Variants in PRKCB observed in about 807,000 individuals in gnomAD.
PRKCB encodes protein kinase C beta type.
Under a neutral mutation model 81.5 loss-of-function variants are expected in PRKCB, and 13 were observed. That is an observed-to-expected ratio of 0.16 (90% CI 0.10 to 0.25). The LOEUF is 0.25. PRKCB is among the 10% of genes least tolerant of loss of function. The pLI is 1.00. For missense variants in PRKCB, 509 were observed against 875.7 expected, an observed-to-expected ratio of 0.58 and a Z score of 5.29; for synonymous variants, 335 against 321.4, an observed-to-expected ratio of 1.04 and a Z score of -0.45.
chr16:24,176,035 G>A (rs1228747473), intron 12 of PRKCB, among the ~76,000 whole-genome samples: 1 of 151,492 alleles, frequency 6.6e-6, no homozygotes, highest in African/African-American at 2.4e-5. Flanking sequence ...GGCAGATAGC[G>A]GAGGCCAGGC....
At chr16:24,044,381 A>G (rs1215875936) in intron 5 of PRKCB, among the ~76,000 whole-genome samples, 3 of 152,026 alleles carry the variant, frequency 2.0e-5, no homozygotes, top group Admixed American at 6.6e-5. Context: ...AAAAGAAAAG[A>G]CTGAATTAAA....
intron 5 of PRKCB, among the ~76,000 whole-genome samples, chr16:24,047,522 C>A (rs79218106): frequency 6.6e-6 from 1 of 150,802 alleles, no homozygotes; most frequent in Non-Finnish European, 1.5e-5. Context: ...CAGAGCGAGA[C>A]CCTGTCTCTC....
At chr16:23,998,724 A>G (rs1395400202) in intron 3 of PRKCB, among the ~76,000 whole-genome samples, 2 of 152,230 alleles carry the variant, frequency 1.3e-5, no homozygotes, top group Non-Finnish European at 2.9e-5. Context: ...GATGATGATG[A>G]TGACAATGAC....
chr16:24,041,425 A>G (rs998229984), intron 5 of PRKCB, among the ~76,000 whole-genome samples: 4 of 151,668 alleles, frequency 2.6e-5, no homozygotes, highest in African/African-American at 9.7e-5. Flanking sequence ...TATTATTTAT[A>G]CTCCCATCTA....
chr16:24,117,965 G>T (rs77168727), intron 8 of PRKCB, among the ~76,000 whole-genome samples: 181 of 152,338 alleles, frequency 1.2e-3, no homozygotes, highest in African/African-American at 4.1e-3. Flanking sequence ...TGCCCTGTGC[G>T]CTGTGCCCGC....
intron 9 of PRKCB, among the ~76,000 whole-genome samples, chr16:24,127,570 C>A (rs1018303623): frequency 6.6e-6 from 1 of 151,962 alleles, no homozygotes; most frequent in African/African-American, 2.4e-5. Context: ...ACAAAACAGA[C>A]GAGAGGATGT....
chr16:23,881,253 G>GTTTTT (rs35846626), intron 2 of PRKCB, among the ~76,000 whole-genome samples: 2 of 136,396 alleles, frequency 1.5e-5, no homozygotes, highest in South Asian at 2.3e-4. Context: ...TCTTTTCCCA[G>GTTTTT]TTTTTTTTTT....
At chr16:23,998,074 A>C (rs1567339024) in intron 3 of PRKCB, among the ~76,000 whole-genome samples, 1 of 152,186 alleles carries the variant, frequency 6.6e-6, no homozygotes, top group Non-Finnish European at 1.5e-5. Flanking sequence ...GCACCATCTA[A>C]TCTGTTGAGG....
intron 2 of PRKCB, among the ~76,000 whole-genome samples, chr16:23,950,117 G>A (rs1964256816): frequency 7.9e-6 from 1 of 125,980 alleles, no homozygotes; most frequent in African/African-American, 2.9e-5. Flanking sequence ...AGCAGCATTG[G>A]CCCCTATGAT....
At chr16:24,136,018 A>G (rs188697721) in intron 9 of PRKCB, among the ~76,000 whole-genome samples, 38 of 150,864 alleles carry the variant, frequency 2.5e-4, no homozygotes, top group Admixed American at 1.8e-3. Flanking sequence ...CTTTGGTTCT[A>G]TCGCAATTAT....
chr16:23,842,784 C>T (rs144639341), intron 2 of PRKCB, among the ~76,000 whole-genome samples: 29 of 151,838 alleles, frequency 1.9e-4, no homozygotes, highest in African/African-American at 3.6e-4. Flanking sequence ...TTGTTGTTTT[C>T]ATCAATATCA....
chr16:24,070,252 G>A lies in PRKCB; in HGVS notation c.530-22539G>A, dbSNP rs140296313. Among the ~76,000 whole-genome samples the A allele has an allele frequency of 4.4e-3, 661 of 151,692 alleles. 17 individuals are homozygous for A. Among genetic ancestry groups the A allele is most frequent in the East Asian group, 0.043 (223 of 5,138 alleles). ...CAACCTCTGCCTCCTGGGTTCAAGC[G>A]ATTCTTGTGCCTCAGTCTCCCAAGT... On this transcript the variant is annotated intron_variant, in intron 5 of 16. Coordinates refer to ENST00000643927, the MANE Select transcript of PRKCB (RefSeq NM_002738.7).
Position 24,215,469 on chromosome 16 carries a change from A to C in PRKCB, c.*653A>C, listed in dbSNP as rs1405542101. On this transcript the variant is annotated 3_prime_UTR_variant, in exon 17 of 17. Coordinates refer to ENST00000643927, the MANE Select transcript of PRKCB (RefSeq NM_002738.7). ...TGCTACCTCAGTGTTGTAGTTTCTGATACTTTATGTCTTTGCTCACCCTCA... is the reference window on the plus strand; with the variant it reads ...TGCTACCTCAGTGTTGTAGTTTCTGCTACTTTATGTCTTTGCTCACCCTCA... 3.0e-6 allele frequency: 3 copies of C among 985,680 alleles called. No homozygotes were observed. The East Asian group carries it at 3.4e-4, about 112-fold the overall frequency. 61.1% of individuals were successfully genotyped at this position (985,680 alleles called of 1,614,324 possible).
At chr16:24,141,358 C>A (rs992141975) in intron 9 of PRKCB, among the ~76,000 whole-genome samples, 1 of 152,042 alleles carries the variant, frequency 6.6e-6, no homozygotes, top group Non-Finnish European at 1.5e-5. Flanking sequence ...CCATGCCTGG[C>A]TAATTTTTGT....
intron 2 of PRKCB, among the ~76,000 whole-genome samples, chr16:23,934,259 T>C (rs1964026651): frequency 6.6e-6 from 1 of 152,068 alleles, no homozygotes; most frequent in Non-Finnish European, 1.5e-5. Context: ...ACACTTTGCC[T>C]TCTGCAGTGT....
intron 5 of PRKCB, among the ~76,000 whole-genome samples, chr16:24,043,600 C>T (rs900088339): frequency 1.6e-4 from 24 of 152,258 alleles, no homozygotes; most frequent in African/African-American, 5.8e-4. Flanking sequence ...GTGAGTGTCT[C>T]AGGCACTGAA....
chr16:23,972,691 A>G (rs972440920), intron 2 of PRKCB, among the ~76,000 whole-genome samples: 1 of 152,212 alleles, frequency 6.6e-6, no homozygotes, highest in Non-Finnish European at 1.5e-5. Context: ...TTGGGAGGAA[A>G]TGAAAATGTT....
Position 24,220,197 on chromosome 16 carries a change from G to T in PRKCB, c.*5381G>T. On this transcript the variant is annotated 3_prime_UTR_variant, in exon 17 of 17. Transcript: ENST00000643927. Reference sequence around the variant, plus strand: ...TCAATTCTAGTCTTCCAGGATTCACGGTGCACATGCTGGCATTCAACATGT... The same window carrying T: ...TCAATTCTAGTCTTCCAGGATTCACTGTGCACATGCTGGCATTCAACATGT... 1 of 1,515,614 alleles carries T rather than the reference G, an allele frequency of 6.6e-7. No individual in the cohort carries two copies. Among genetic ancestry groups the T allele is most frequent in the East Asian group, 2.3e-5 (1 of 43,914 alleles). The allele number at this position is 1,515,614 out of a possible 1,614,324, so 93.9% of individuals were successfully genotyped here. A position where few individuals can be genotyped will look rare whatever the true frequency, so the allele number is the denominator to read the frequency against.
At chr16:23,866,988 CTTCCT>C (rs1377653317) in intron 2 of PRKCB, among the ~76,000 whole-genome samples, 2 of 65,272 alleles carry the variant, frequency 3.1e-5, no homozygotes, top group Non-Finnish European at 6.0e-5. Flanking sequence ...CCTTCCTTCC[CTTCCT>C]TCCCTTCCTT....
Sources: allele counts gnomAD v4.1 joint callset (sites outside exome capture counted in the v4.1 genomes callset), GRCh38; gene constraint gnomAD v4.1.1; transcripts MANE v1.5; gene names NCBI Gene and HGNC (gene_info 2026-07-23, HGNC 2026-07-21).